Variants in PSMA1 observed in about 807,000 individuals in gnomAD.
PSMA1 encodes the protein proteasome 20S subunit alpha 1, also known as proteasome subunit alpha type-1.
A neutral mutation model predicts 38.4 loss-of-function variants in PSMA1; 3 were observed. The observed-to-expected ratio is 0.08, with a 90% CI of 0.04 to 0.20. The LOEUF (loss-of-function observed/expected upper bound fraction) is 0.20. Ranked by LOEUF, PSMA1 falls within the 10% of genes least tolerant of loss-of-function variation. The pLI is 1.00. For synonymous variants in PSMA1, 101 were observed against 107.1 expected, an observed-to-expected ratio of 0.94 and a Z score of 0.35; for missense variants, 227 against 325.3, an observed-to-expected ratio of 0.70 and a Z score of 2.32.
upstream of PSMA1, among the ~76,000 whole-genome samples, chr11:14,524,109 CAAAAAAAA>C: frequency 1.8e-5 from 1 of 54,230 alleles, no homozygotes; most frequent in East Asian, 6.0e-4. Flanking sequence ...GACCCTGTCT[CAAAAAAAA>C]AAAAAAAAAA....
At chr11:14,594,224 T>C (rs1309497387) in intron 2 of PSMA1, among the ~76,000 whole-genome samples, 1 of 152,230 alleles carries the variant, frequency 6.6e-6, no homozygotes, top group African/African-American at 2.4e-5. Context: ...CTTAAGTTTT[T>C]CTGTTACTGG....
intron 1 of PSMA1, among the ~76,000 whole-genome samples, chr11:14,640,161 T>C (rs1853180678): frequency 1.3e-5 from 2 of 151,886 alleles, no homozygotes; most frequent in Admixed American, 1.3e-4. Flanking sequence ...AGTTAGGGAA[T>C]ATAATACAGA....
chr11:14,574,371 T>C (rs1187440783), intron 2 of PSMA1, among the ~76,000 whole-genome samples: 1 of 152,194 alleles, frequency 6.6e-6, no homozygotes, highest in African/African-American at 2.4e-5. Context: ...CCCAGGTACT[T>C]GGGCTGCTGC....
chr11:14,577,000 C>G (rs1000265684), intron 2 of PSMA1, among the ~76,000 whole-genome samples: 1 of 152,152 alleles, frequency 6.6e-6, no homozygotes, highest in Non-Finnish European at 1.5e-5. Context: ...CTTCACATCC[C>G]TTGTAAGTTG....
intron 2 of PSMA1, among the ~76,000 whole-genome samples, chr11:14,573,415 A>G (rs910704840): frequency 6.6e-6 from 1 of 152,234 alleles, no homozygotes; most frequent in Non-Finnish European, 1.5e-5. Context: ...CAAAAACCAC[A>G]TGATTATCTC....
At chr11:14,638,443 C>A (rs2133726153) in intron 1 of PSMA1, among the ~76,000 whole-genome samples, 1 of 144,446 alleles carries the variant, frequency 6.9e-6, no homozygotes, top group South Asian at 2.2e-4. Context: ...TAGATGAATC[C>A]TTTTGAGCTC....
chr11:14,622,370 A>G (rs1277901270), intron 1 of PSMA1, among the ~76,000 whole-genome samples: 1 of 152,242 alleles, frequency 6.6e-6, no homozygotes. Flanking sequence ...CTGTCATAAT[A>G]TACTCTGAAG....
chr11:14,575,061 T>G (rs888385363), intron 2 of PSMA1, among the ~76,000 whole-genome samples: 1 of 152,054 alleles, frequency 6.6e-6, no homozygotes, highest in Non-Finnish European at 1.5e-5. Flanking sequence ...ATATGGACAA[T>G]GAAGTCCCAG....
Position 14,566,350 on chromosome 11 carries a change from T to G in PSMA1, c.21+44616A>C, listed in dbSNP as rs531316239. Among the ~76,000 whole-genome samples, 3 of 152,294 alleles carry G rather than the reference T, an allele frequency of 2.0e-5. No individual in the cohort carries two copies. The South Asian group carries it at 6.2e-4, about 32-fold the overall frequency. On this transcript the variant is annotated intron_variant, in intron 2 of 10. Transcript: ENST00000418988. The stretch of plus-strand genomic sequence containing the variant: ...TAGCAGTGGGAGCAATGAGAAGTGA[T>G]TATATTCTAAATATATTCTGAGGGT...
chr11:14,539,772 C>T (rs1253153929), intron 2 of PSMA1, among the ~76,000 whole-genome samples: 1 of 151,736 alleles, frequency 6.6e-6, no homozygotes, highest in Non-Finnish European at 1.5e-5. Context: ...TGGCGTGAAC[C>T]TGGGAGGTGG....
At chr11:14,568,030 G>A (rs1852093279) in intron 2 of PSMA1, among the ~76,000 whole-genome samples, 1 of 152,182 alleles carries the variant, frequency 6.6e-6, no homozygotes, top group African/African-American at 2.4e-5. Flanking sequence ...TGTATTGATT[G>A]GTTGATGAAA....
intron 2 of PSMA1, among the ~76,000 whole-genome samples, chr11:14,600,564 A>T (rs1852568386): frequency 6.6e-6 from 1 of 152,154 alleles, no homozygotes; most frequent in Non-Finnish European, 1.5e-5. Flanking sequence ...CACGGAAGAG[A>T]ATCACCTTGT....
chr11:14,580,840 T>A (rs951926117), intron 2 of PSMA1, among the ~76,000 whole-genome samples: 4 of 152,126 alleles, frequency 2.6e-5, no homozygotes, highest in Non-Finnish European at 5.9e-5. Context: ...GGAGGCATAA[T>A]GGGGGTTGTT....
intron 7 of PSMA1, among the ~76,000 whole-genome samples, chr11:14,512,147 G>A (rs1008439847): frequency 5.3e-5 from 8 of 152,196 alleles, no homozygotes; most frequent in African/African-American, 1.9e-4. Flanking sequence ...GGCCCAGTTG[G>A]GCGGATCGCC....
chr11:14,594,986 C>T (rs1182147542), intron 2 of PSMA1, among the ~76,000 whole-genome samples: 2 of 151,796 alleles, frequency 1.3e-5, no homozygotes, highest in African/African-American at 4.8e-5. Context: ...TCAATTCCCA[C>T]CTATGGGTGA....
At chr11:14,510,803 C>T (rs1851329691) in intron 8 of PSMA1, 69 bp downstream of exon 8, 1 of 1,092,026 alleles carries the variant, frequency 9.2e-7, no homozygotes, top group Non-Finnish European at 1.3e-6. Context: ...ATATATACTC[C>T]ATTACATTTA....
chr11:14,508,364 T>C (rs1181658532), intron 8 of PSMA1, among the ~76,000 whole-genome samples: 1 of 152,034 alleles, frequency 6.6e-6, no homozygotes, highest in Non-Finnish European at 1.5e-5. Context: ...CCATTAAAAC[T>C]TCCTAAGGCC....
At chr11:14,598,391 G>C (rs1238556647) in intron 2 of PSMA1, among the ~76,000 whole-genome samples, 1 of 152,124 alleles carries the variant, frequency 6.6e-6, no homozygotes, top group African/African-American at 2.4e-5. Flanking sequence ...AAGTCTCTTT[G>C]TAGGTCTCTA....
chr11:14,509,657 T>C (rs1217277816), intron 8 of PSMA1, among the ~76,000 whole-genome samples: 2 of 149,396 alleles, frequency 1.3e-5, no homozygotes, highest in Non-Finnish European at 3.0e-5. Context: ...CACCTCAGCC[T>C]CCCAAAGTGT....
Sources: gnomAD v4.1 joint callset for allele counts (sites outside exome capture counted in the v4.1 genomes callset) on GRCh38, gnomAD v4.1.1 for gene constraint, MANE v1.5 for transcripts, NCBI Gene and HGNC (gene_info 2026-07-23, HGNC 2026-07-21) for gene names.